The following FOXP1 variants were observed in gnomAD, a reference collection of about 807,000 sequenced individuals.
The protein encoded by FOXP1 is forkhead box protein P1.
Under a neutral mutation model 98.2 loss-of-function variants are expected in FOXP1, and 15 were observed. That is an observed-to-expected ratio of 0.15 (90% CI 0.10 to 0.24). The LOEUF is 0.24. Among genes scored for constraint, FOXP1 ranks in the 10% least tolerant of loss-of-function variants. The pLI, the probability that FOXP1 is intolerant of heterozygous loss-of-function variation, is 1.00. For synonymous variants in FOXP1, 371 were observed against 314.5 expected (o/e 1.18, Z -1.90); for missense variants, 633 against 848.5 (o/e 0.75, Z 3.15).
At chr3:71,432,872 A>T (rs2084860999) in intron 3 of FOXP1, among the ~76,000 whole-genome samples, 1 of 151,684 alleles carries the variant, frequency 6.6e-6, no homozygotes, top group East Asian at 1.9e-4. Context: ...AAAAATTAAA[A>T]AAAAAAGCCC....
intron 3 of FOXP1, among the ~76,000 whole-genome samples, chr3:71,433,695 T>G (rs1385590037): frequency 6.6e-6 from 1 of 152,202 alleles, no homozygotes; most frequent in Non-Finnish European, 1.5e-5. Flanking sequence ...TGCAATGTAT[T>G]CTGGAACCCT....
intron 6 of FOXP1, among the ~76,000 whole-genome samples, chr3:71,125,132 C>A (rs1446753274): frequency 3.3e-5 from 5 of 152,204 alleles, no homozygotes; most frequent in Admixed American, 1.3e-4. Context: ...GCAGGAATGG[C>A]TGCCTAAGAG....
Position 71,027,218 on chromosome 3 carries a change from CAT to C in FOXP1, c.870-11567_870-11566del, listed in dbSNP as rs931778524. ...CACAAGGTCTATGTGGAACCTTGTC[CAT>C]ATGTTAGAGGAACCAATGACACCCA... On this transcript the variant is annotated intron_variant, in intron 11 of 20. Coordinates refer to ENST00000649528, the MANE Select transcript of FOXP1 (RefSeq NM_001349338.3). 8.6e-5 allele frequency among the ~76,000 whole-genome samples: 13 copies of C among 150,920 alleles called. No homozygotes were observed. In the South Asian group the frequency reaches 2.4e-3, roughly 28 times the overall value.
intron 5 of FOXP1, among the ~76,000 whole-genome samples, chr3:71,278,740 C>A (rs568016859): frequency 6.6e-6 from 1 of 152,326 alleles, no homozygotes; most frequent in East Asian, 1.9e-4. Context: ...AGAGATCATG[C>A]CACTGTACTC....
intron 5 of FOXP1, among the ~76,000 whole-genome samples, chr3:71,227,732 T>TAAA (rs59752685): frequency 0.028 from 3,917 of 139,458 alleles, 184 homozygotes; most frequent in African/African-American, 0.095. Flanking sequence ...TCAATGTTTT[T>TAAA]AAAAAAAAAA....
intron 13 of FOXP1, among the ~76,000 whole-genome samples, chr3:70,989,078 T>C (rs1337825491): frequency 6.6e-6 from 1 of 152,170 alleles, no homozygotes; most frequent in Non-Finnish European, 1.5e-5. Flanking sequence ...ATAATTAACC[T>C]TAAATCCTTT....
At chr3:71,085,756 A>G (rs1436410729) in intron 7 of FOXP1, among the ~76,000 whole-genome samples, 1 of 910 alleles carries the variant, frequency 1.1e-3, no homozygotes, top group Non-Finnish European at 4.2e-3. Context: ...TTTTACATGG[A>G]GTCTCACTGT....
chr3:71,145,596 G>A (rs1349375347), intron 6 of FOXP1, among the ~76,000 whole-genome samples: 1 of 152,112 alleles, frequency 6.6e-6, no homozygotes, highest in Non-Finnish European at 1.5e-5. Flanking sequence ...TTTCCAAGGT[G>A]GCAGCATCAC....
intron 3 of FOXP1, among the ~76,000 whole-genome samples, chr3:71,381,832 A>G (rs1054905385): frequency 6.6e-6 from 1 of 152,090 alleles, no homozygotes; most frequent in African/African-American, 2.4e-5. Context: ...TTCTACCAAC[A>G]CTTATTTGTT....
chr3:71,364,941 A>G (rs1425101285), intron 3 of FOXP1, among the ~76,000 whole-genome samples: 1 of 152,266 alleles, frequency 6.6e-6, no homozygotes, highest in Non-Finnish European at 1.5e-5. Context: ...AAGAGTTGGT[A>G]AACTTTTTCT....
intron 13 of FOXP1, among the ~76,000 whole-genome samples, chr3:70,989,894 ATCT>A (rs748373944): frequency 5.3e-5 from 8 of 152,326 alleles, no homozygotes; most frequent in South Asian, 4.1e-4. Context: ...TAAAGGAAAC[ATCT>A]TCTCCATATT....
chr3:71,581,711 G>A lies in FOXP1; in HGVS notation c.-446-14C>T. ...AACTTTCGGGTTCTGCAGTCGACAA[G>A]AAACCGGGGCGACCCTCAGCAAGTC... On this transcript the variant is annotated splice_polypyrimidine_tract_variant and intron_variant, in intron 1 of 20. Transcript: ENST00000649528. 2.0e-6 allele frequency: 2 copies of A among 985,776 alleles called. No individual in the cohort carries two copies. The highest frequency in any genetic ancestry group is 4.7e-5 in the South Asian group (1 of 21,348). The allele number at this position is 985,776 out of a possible 1,614,324, so 61.1% of individuals were successfully genotyped here.
chr3:71,472,272 T>C (rs189913586), intron 3 of FOXP1, among the ~76,000 whole-genome samples: 80 of 152,268 alleles, frequency 5.3e-4, no homozygotes, highest in Non-Finnish European at 9.9e-4. Flanking sequence ...TCCATCATTC[T>C]TGGTAAGGAA....
chr3:71,183,665 AC>A (rs2062469878), intron 6 of FOXP1, among the ~76,000 whole-genome samples: 2 of 152,308 alleles, frequency 1.3e-5, no homozygotes, highest in South Asian at 4.1e-4. Flanking sequence ...TTACACAGTC[AC>A]CCAACTAGCA....
intron 5 of FOXP1, among the ~76,000 whole-genome samples, chr3:71,205,953 G>C (rs2064004420): frequency 2.0e-5 from 3 of 152,094 alleles, no homozygotes; most frequent in Admixed American, 1.3e-4. Flanking sequence ...GAACTAACTT[G>C]TATTTATCAA....
chr3:70,976,882 AC>A, intron 17 of FOXP1, 58 bp downstream of exon 17: 2 of 1,268,652 alleles, frequency 1.6e-6, no homozygotes, highest in Non-Finnish European at 2.3e-6. Flanking sequence ...CATTTTATCA[AC>A]AACAAACTGT....
At chr3:71,062,266 T>C (rs541780112) in intron 7 of FOXP1, among the ~76,000 whole-genome samples, 19 of 152,336 alleles carry the variant, frequency 1.2e-4, no homozygotes, top group Admixed American at 5.2e-4. Flanking sequence ...CTAGTTGAGA[T>C]TTAATTAAGA....
At chr3:71,504,189 CT>C (rs1475114224) in intron 2 of FOXP1, among the ~76,000 whole-genome samples, 1 of 152,056 alleles carries the variant, frequency 6.6e-6, no homozygotes, top group East Asian at 1.9e-4. Flanking sequence ...GAAAAAAACA[CT>C]TTGGGGGATA....
intron 5 of FOXP1, among the ~76,000 whole-genome samples, chr3:71,253,615 T>A (rs1305488722): frequency 6.6e-6 from 1 of 152,142 alleles, no homozygotes; most frequent in African/African-American, 2.4e-5. Context: ...TTCTCTTCTC[T>A]CTCCCTTCCA....
Sources: gnomAD v4.1 joint callset for allele counts (sites outside exome capture counted in the v4.1 genomes callset) on GRCh38, gnomAD v4.1.1 for gene constraint, MANE v1.5 for transcripts, NCBI Gene and HGNC (gene_info 2026-07-23, HGNC 2026-07-21) for gene names.